Variants in NFIB observed in about 807,000 individuals in gnomAD.
NFIB encodes nuclear factor 1 B-type.
In NFIB, 11 loss-of-function variants were observed where a neutral mutation model predicts 61.5. The ratio of observed to expected loss-of-function variants is 0.18; its 90% CI spans 0.11 to 0.30. NFIB has a LOEUF of 0.30. Ranked by LOEUF, NFIB falls within the 10% of genes least tolerant of loss-of-function variation. The probability of loss-of-function intolerance (pLI) is 1.00; values close to 1 mark genes in which losing one functional copy is unlikely to be tolerated. For synonymous variants in NFIB, 260 were observed against 216.5 expected (o/e 1.20, Z -1.76); for missense variants, 471 against 608.9 (o/e 0.77, Z 2.38).
Position 14,120,579 on chromosome 9 carries a change from G to A in NFIB, c.1106C>T (p.Pro369Leu). Residue 369 changes from proline (P) to leucine (L), a missense_variant, in exon 8 of 11, where the codon CCA becomes CTA. Pro to Leu is a moderately conservative substitution (Grantham distance 98). Transcript: ENST00000380953. The surrounding 1 kb of genome is among the most constrained non-coding windows in gnomAD (Gnocchi z 4.4). The part of the protein sequence containing the change: ...TPPPPSPLPF[P>L]TQAILPPAPS... ...GGCTGGAGGAAGGATAGCTTGTGTT[G>A]GAAATGGCAACGGTGAAGGTGGAGG... 4 of 1,613,350 alleles carry A rather than the reference G, an allele frequency of 2.5e-6. No individual in the cohort carries two copies. The highest frequency in any genetic ancestry group is 3.4e-6 in the Non-Finnish European group (4 of 1,179,736).
intron 1 of NFIB, among the ~76,000 whole-genome samples, chr9:14,388,251 T>C (rs879490590): frequency 2.0e-5 from 3 of 152,000 alleles, no homozygotes; most frequent in Admixed American, 6.6e-5. Context: ...TATGCACCTG[T>C]AGTCCCAGCT....
At chr9:14,346,292 C>CCA (rs1554715695) in intron 1 of NFIB, among the ~76,000 whole-genome samples, 3 of 125,378 alleles carry the variant, frequency 2.4e-5, no homozygotes, top group Non-Finnish European at 5.1e-5. Flanking sequence ...TAACCGACAC[C>CCA]CCCCCCCCGT....
At chr9:14,252,155 C>T (rs968151654) in intron 2 of NFIB, among the ~76,000 whole-genome samples, 18 of 152,098 alleles carry the variant, frequency 1.2e-4, no homozygotes, top group African/African-American at 4.1e-4. Flanking sequence ...AAAACAAGAT[C>T]CACTTTTTAA....
chr9:14,430,738 T>C, the NFIB span, among the ~76,000 whole-genome samples: 1 of 152,122 alleles, frequency 6.6e-6, no homozygotes. Context: ...CTCACCATCT[T>C]GCCTGGCTAA....
At chr9:14,524,787 C>T in the NFIB span, among the ~76,000 whole-genome samples, 4 of 152,130 alleles carry the variant, frequency 2.6e-5, no homozygotes, top group African/African-American at 9.7e-5. Flanking sequence ...TGAGAATTTA[C>T]CATTATATCA....
intron 1 of NFIB, among the ~76,000 whole-genome samples, chr9:14,332,255 C>T (rs567486835): frequency 4.6e-4 from 69 of 150,468 alleles, no homozygotes; most frequent in Middle Eastern, 3.4e-3. Context: ...ATCGCTTGAA[C>T]CTGGGAGGCA....
rs949578945 is a variant in NFIB at position 14,082,187 on chromosome 9, G to A, written c.*6122C>T. ...TCCTACTGCTAAAGGTTTGTTACAT[G>A]GAGATTGTGCATGTGCCTCCTTTTG... On this transcript the variant is annotated 3_prime_UTR_variant, in exon 11 of 11. Transcript: ENST00000380953. 4.9e-6 allele frequency: 1 copy of A among 205,866 alleles called. No homozygotes were observed. Among genetic ancestry groups the A allele is most frequent in the East Asian group, 7.4e-5 (1 of 13,490 alleles). 12.8% of individuals were successfully genotyped at this position (205,866 alleles called of 1,614,324 possible). A position where few individuals can be genotyped will look rare whatever the true frequency, so the allele number is the denominator to read the frequency against.
the NFIB span, among the ~76,000 whole-genome samples, chr9:14,453,642 A>G: frequency 6.6e-6 from 1 of 152,340 alleles, no homozygotes; most frequent in East Asian, 1.9e-4. Context: ...ATTGAGAGTA[A>G]TATTGTCTTA....
rs1586828937 is a variant in NFIB, at chr9:14,120,917, A to T, written c.1061-293T>A. On this transcript the variant is annotated intron_variant, in intron 7 of 10. Transcript: ENST00000380953. This position sits in a 1 kb window ranked among gnomAD's most constrained non-coding sequence, Gnocchi z 4.4. ...TTTATAGGTTATGTCAATACTTGAT[A>T]AAACACTTCTTTGAGCAAAGATATA... Among the ~76,000 whole-genome samples the T allele has an allele frequency of 6.6e-6, 1 of 152,210 alleles. No homozygotes were observed. Among genetic ancestry groups the T allele is most frequent in the Non-Finnish European group, 1.5e-5 (1 of 68,038 alleles).
intron 2 of NFIB, among the ~76,000 whole-genome samples, chr9:14,211,569 T>C (rs1419813744): frequency 1.3e-5 from 2 of 152,224 alleles, no homozygotes; most frequent in African/African-American, 4.8e-5. Context: ...GGCACGGAAC[T>C]GGACAAACTG....
At chr9:14,211,970 G>A (rs766941685) in intron 2 of NFIB, among the ~76,000 whole-genome samples, 2 of 152,194 alleles carry the variant, frequency 1.3e-5, no homozygotes, top group Non-Finnish European at 2.9e-5. Context: ...ATGTACCACT[G>A]GGTTTTATTG....
chr9:14,237,778 G>C (rs1340431851), intron 2 of NFIB, among the ~76,000 whole-genome samples: 2 of 84,860 alleles, frequency 2.4e-5, no homozygotes, highest in Non-Finnish European at 5.3e-5. Flanking sequence ...GTGTGTGTGT[G>C]TGTGTGTGTG....
At chr9:14,340,001 A>T (rs554131869) in intron 1 of NFIB, among the ~76,000 whole-genome samples, 2 of 152,334 alleles carry the variant, frequency 1.3e-5, no homozygotes, top group Middle Eastern at 3.4e-3. Context: ...TAGAGTTTTC[A>T]GTCCAGCCAC....
intron 1 of NFIB, among the ~76,000 whole-genome samples, chr9:14,377,412 T>A (rs2061432128): frequency 1.3e-5 from 2 of 152,134 alleles, no homozygotes; most frequent in East Asian, 1.9e-4. Context: ...AGAAATGGGG[T>A]CTTGCTCTAT....
chr9:14,255,892 T>C (rs1563949125), intron 2 of NFIB, among the ~76,000 whole-genome samples: 1 of 152,218 alleles, frequency 6.6e-6, no homozygotes, highest in East Asian at 1.9e-4. Flanking sequence ...CACACTATGC[T>C]AGCATAGTAT....
chr9:14,130,528 T>C (rs2040276610), intron 6 of NFIB, among the ~76,000 whole-genome samples: 1 of 152,198 alleles, frequency 6.6e-6, no homozygotes, highest in Admixed American at 6.5e-5. Context: ...TATCTTATAT[T>C]GCTTGATGAA....
the NFIB span, among the ~76,000 whole-genome samples, chr9:14,521,180 G>A: frequency 6.6e-6 from 1 of 152,176 alleles, no homozygotes; most frequent in African/African-American, 2.4e-5. Flanking sequence ...TTCTTGAAAG[G>A]AGATTGAATA....
At chr9:14,369,942 T>G (rs989184483) in intron 1 of NFIB, among the ~76,000 whole-genome samples, 9 of 152,216 alleles carry the variant, frequency 5.9e-5, no homozygotes, top group African/African-American at 2.2e-4. Flanking sequence ...GGGGGCTATC[T>G]CTTTACCCCC....
chr9:14,224,071 G>A (rs766385135), intron 2 of NFIB, among the ~76,000 whole-genome samples: 25 of 152,110 alleles, frequency 1.6e-4, no homozygotes, highest in Admixed American at 2.6e-4. Context: ...ACAGTAAAAT[G>A]TCCCTCGTCC....
Sources: allele counts gnomAD v4.1 joint callset (sites outside exome capture counted in the v4.1 genomes callset), GRCh38; gene constraint gnomAD v4.1.1; non-coding constraint Gnocchi (gnomAD v3.1); transcripts MANE v1.5; gene names NCBI Gene and HGNC (gene_info 2026-07-23, HGNC 2026-07-21).